The following TMTC2 variants were observed in gnomAD, a reference collection of about 807,000 sequenced individuals.
TMTC2 encodes protein O-mannosyl-transferase TMTC2.
In TMTC2, 43 loss-of-function variants were observed where a neutral mutation model predicts 82.4. The observed-to-expected ratio is 0.52, with a 90% confidence interval of 0.41 to 0.67. TMTC2 has a LOEUF of 0.67. Ranked by LOEUF, TMTC2 falls within the 30% of genes least tolerant of loss-of-function variation. TMTC2 has a pLI of 0.00. For missense variants in TMTC2, 919 were observed against 1,012.4 expected, an observed-to-expected ratio of 0.91 and a Z score of 1.25; for synonymous variants, 408 against 381.9, an observed-to-expected ratio of 1.07 and a Z score of -0.80.
chr12:82,918,930 G>C (rs1166519536), intron 3 of TMTC2, among the ~76,000 whole-genome samples: 1 of 152,064 alleles, frequency 6.6e-6, no homozygotes, highest in Non-Finnish European at 1.5e-5. Context: ...GCTAATTTTT[G>C]TATTTTCAGT....
At chr12:82,939,747 G>T (rs944449191) in intron 4 of TMTC2, among the ~76,000 whole-genome samples, 1 of 152,062 alleles carries the variant, frequency 6.6e-6, no homozygotes, top group Non-Finnish European at 1.5e-5. Flanking sequence ...TCAAGATCAA[G>T]TTGTTTCACC....
intron 1 of TMTC2, among the ~76,000 whole-genome samples, chr12:82,834,047 A>G (rs73358263): frequency 0.026 from 4,035 of 152,318 alleles, 185 homozygotes; most frequent in African/African-American, 0.093. Flanking sequence ...TAAGGGATGT[A>G]CATGTAACCA....
chr12:82,990,554 TC>T (rs985929311), intron 8 of TMTC2, among the ~76,000 whole-genome samples: 2 of 152,112 alleles, frequency 1.3e-5, no homozygotes, highest in African/African-American at 4.8e-5. Context: ...CTTAAGCAGT[TC>T]CTTTTTTGTT....
chr12:82,773,292 A>C (rs1877404971), intron 1 of TMTC2, among the ~76,000 whole-genome samples: 1 of 152,146 alleles, frequency 6.6e-6, no homozygotes, highest in Admixed American at 6.5e-5. Context: ...ATTACTACTC[A>C]ACCTAATGTT....
chr12:83,065,694 A>G (rs1252570120), intron 11 of TMTC2, among the ~76,000 whole-genome samples: 1 of 151,930 alleles, frequency 6.6e-6, no homozygotes, highest in African/African-American at 2.4e-5. Flanking sequence ...AATAGACAAC[A>G]GTCTTCTCTG....
intron 7 of TMTC2, among the ~76,000 whole-genome samples, chr12:82,972,336 A>G (rs578121795): frequency 5.6e-4 from 86 of 152,264 alleles, no homozygotes; most frequent in Middle Eastern, 3.4e-3. Flanking sequence ...ATATTGGAAA[A>G]TGTATTTTCC....
chr12:82,748,735 G>C (rs541674124), intron 1 of TMTC2, among the ~76,000 whole-genome samples: 1 of 152,206 alleles, frequency 6.6e-6, no homozygotes, highest in Admixed American at 6.5e-5. Context: ...AAATTAGCAG[G>C]GTGTGGTGGT....
intron 1 of TMTC2, among the ~76,000 whole-genome samples, chr12:82,765,017 T>C (rs1876872416): frequency 6.6e-6 from 1 of 152,006 alleles, no homozygotes; most frequent in Admixed American, 6.6e-5. Context: ...TCAATTTACA[T>C]TGCCATGGTG....
At chr12:82,883,006 A>T (rs1446037795) in intron 2 of TMTC2, among the ~76,000 whole-genome samples, 1 of 149,930 alleles carries the variant, frequency 6.7e-6, no homozygotes, top group Non-Finnish European at 1.5e-5. Context: ...CAATGAGCCA[A>T]GATCGCGTCA....
chr12:82,919,035 C>G (rs759275655), intron 3 of TMTC2, among the ~76,000 whole-genome samples: 4 of 152,196 alleles, frequency 2.6e-5, no homozygotes, highest in Admixed American at 1.3e-4. Flanking sequence ...GGATTACAGG[C>G]GTAAGCCACC....
chr12:82,989,753 CT>C (rs10715720), intron 8 of TMTC2, among the ~76,000 whole-genome samples: 78,702 of 141,664 alleles, frequency 0.56, 22,111 homozygotes, highest in African/African-American at 0.7. Flanking sequence ...TTTCAGGAGG[CT>C]TTTTTTTTTT....
At chr12:82,826,147 C>A (rs12313857) in intron 1 of TMTC2, among the ~76,000 whole-genome samples, 9,248 of 152,174 alleles carry the variant, frequency 0.061, 306 homozygotes, top group Middle Eastern at 0.19. Context: ...GTTTAAATAT[C>A]TTTTCATCCA....
At chr12:82,689,461 A>G (rs546649330) in intron 1 of TMTC2, among the ~76,000 whole-genome samples, 2 of 152,368 alleles carry the variant, frequency 1.3e-5, no homozygotes, top group South Asian at 4.1e-4. Context: ...GAAACTTATT[A>G]TAATAATGCA....
At position 83,032,257 on chromosome 12, in the gene TMTC2, T is replaced by TTATATATATATATA. The variant is rs57604518; in HGVS notation, c.2152+1403_2152+1416dup. ...TTCCTATAATATTATAGAGAATATT[T>TTATATATATATATA]TATATATATATATATATATATATAT... On this transcript the variant is annotated intron_variant, in intron 9 of 11. Transcript: ENST00000321196. Among the ~76,000 whole-genome samples, 389 of 130,692 alleles carry TTATATATATATATA rather than the reference T, an allele frequency of 3.0e-3. 2 individuals are homozygous for TTATATATATATATA. Among genetic ancestry groups the TTATATATATATATA allele is most frequent in the Middle Eastern group, 4.5e-3 (1 of 222 alleles). The allele number at this position is 130,692 out of a possible 152,430, so 85.7% of individuals were successfully genotyped here.
Position 83,008,028 on chromosome 12 carries a change from CCT to C in TMTC2, c.2070+21983_2070+21984del, listed in dbSNP as rs148204996. On this transcript the variant is annotated intron_variant, in intron 8 of 11. Transcript: ENST00000321196. Reference sequence around the variant, plus strand: ...CCATAGGTAAGGTGATTTTTTCCCCCCTGTTTGGACTTCTTTCAAGATTTTCT... The same window carrying C: ...CCATAGGTAAGGTGATTTTTTCCCCCGTTTGGACTTCTTTCAAGATTTTCT... 5.3e-3 allele frequency among the ~76,000 whole-genome samples: 808 copies of C among 152,136 alleles called. 7 individuals are homozygous for C. The highest frequency in any genetic ancestry group is 8.9e-3 in the Non-Finnish European group (602 of 67,994).
chr12:82,933,392 A>C (rs1796179), intron 4 of TMTC2, among the ~76,000 whole-genome samples: 12,332 of 152,248 alleles, frequency 0.081, 625 homozygotes, highest in African/African-American at 0.12. Context: ...CATAGGTAGA[A>C]AAAAGAAAAG....
chr12:83,073,459 T>G (rs966857673), intron 11 of TMTC2, among the ~76,000 whole-genome samples: 1 of 152,202 alleles, frequency 6.6e-6, no homozygotes, highest in Non-Finnish European at 1.5e-5. Context: ...TGTGTCTAGG[T>G]GAAAATCTTT....
intron 1 of TMTC2, among the ~76,000 whole-genome samples, chr12:82,856,151 T>C (rs1448638757): frequency 6.6e-6 from 1 of 152,248 alleles, no homozygotes; most frequent in Non-Finnish European, 1.5e-5. Flanking sequence ...GCATGGTGTT[T>C]GGCAGTGTAT....
chr12:82,699,509 T>G (rs1872970726), intron 1 of TMTC2, among the ~76,000 whole-genome samples: 1 of 152,272 alleles, frequency 6.6e-6, no homozygotes. Flanking sequence ...CGACCCTTTT[T>G]CTTTTTGGAA....
Sources: gnomAD v4.1 joint callset for allele counts (sites outside exome capture counted in the v4.1 genomes callset) on GRCh38, gnomAD v4.1.1 for gene constraint, MANE v1.5 for transcripts, NCBI Gene and HGNC (gene_info 2026-07-23, HGNC 2026-07-21) for gene names.